Variants in MTHFD1L observed in about 807,000 individuals in gnomAD.
MTHFD1L encodes methylenetetrahydrofolate dehydrogenase (NADP+ dependent) 1 like, also known as monofunctional C1-tetrahydrofolate synthase, mitochondrial.
Under a neutral mutation model 119.5 loss-of-function variants are expected in MTHFD1L, and 81 were observed. The ratio of observed to expected loss-of-function variants is 0.68; its 90% CI spans 0.57 to 0.82. MTHFD1L has a LOEUF of 0.82. Among genes scored for constraint, MTHFD1L ranks in the 40% least tolerant of loss-of-function variants. The probability of loss-of-function intolerance (pLI) is 0.00; values close to 1 mark genes in which losing one functional copy is unlikely to be tolerated. For missense variants in MTHFD1L, 1,125 were observed against 1,253.4 expected (o/e 0.90, Z 1.55); for synonymous variants, 430 against 475.2 (o/e 0.90, Z 1.24).
intron 26 of MTHFD1L, among the ~76,000 whole-genome samples, chr6:151,086,680 A>C (rs1476684725): frequency 6.6e-6 from 1 of 151,920 alleles, no homozygotes; most frequent in Non-Finnish European, 1.5e-5. Flanking sequence ...ATTGTGCACC[A>C]CCACACCTGG....
intron 26 of MTHFD1L, chr6:151,054,942 T>C (rs537292246): frequency 6.6e-6 from 1 of 152,278 alleles, no homozygotes; most frequent in South Asian, 2.1e-4. Flanking sequence ...AATAAAGGAA[T>C]GTTTAAATAA....
chr6:151,089,883 A>C (rs1395169946), intron 26 of MTHFD1L, among the ~76,000 whole-genome samples: 4 of 152,204 alleles, frequency 2.6e-5, no homozygotes, highest in Non-Finnish European at 5.9e-5. Flanking sequence ...ACCCATCTTC[A>C]TACCTAAAGT....
At chr6:151,019,544 A>G (rs1375403470) in intron 24 of MTHFD1L, among the ~76,000 whole-genome samples, 1 of 152,292 alleles carries the variant, frequency 6.6e-6, no homozygotes, top group South Asian at 2.1e-4. Flanking sequence ...AATGTGGTCT[A>G]AAGTCCTCTA....
At chr6:151,003,533 C>CAAAA (rs11422337) in intron 20 of MTHFD1L, among the ~76,000 whole-genome samples, 1 of 150,042 alleles carries the variant, frequency 6.7e-6, no homozygotes. Flanking sequence ...ACTCCATATC[C>CAAAA]AAAAAAAAAG....
At chr6:151,096,707 G>A (rs1368395615) in intron 27 of MTHFD1L, among the ~76,000 whole-genome samples, 1 of 152,212 alleles carries the variant, frequency 6.6e-6, no homozygotes, top group Admixed American at 6.5e-5. Flanking sequence ...GTGCGGAGCA[G>A]CACACTCATT....
chr6:150,935,372 C>T, intron 11 of MTHFD1L: 3 of 1,613,862 alleles, frequency 1.9e-6, no homozygotes, highest in Non-Finnish European at 2.5e-6. Flanking sequence ...TGCTAACAAA[C>T]AAGACTTGAG....
intron 20 of MTHFD1L, among the ~76,000 whole-genome samples, chr6:150,988,543 T>C (rs894657511): frequency 6.6e-6 from 1 of 151,666 alleles, no homozygotes; most frequent in Non-Finnish European, 1.5e-5. Flanking sequence ...TGTATCTTTC[T>C]ATGTACCTCT....
At chr6:150,990,089 G>T (rs1373118277) in intron 20 of MTHFD1L, among the ~76,000 whole-genome samples, 2 of 152,110 alleles carry the variant, frequency 1.3e-5, no homozygotes, top group Non-Finnish European at 2.9e-5. Flanking sequence ...GACCAGCTTG[G>T]CCAACATGGT....
chr6:150,946,444 C>T (rs1012826835), intron 15 of MTHFD1L, among the ~76,000 whole-genome samples: 4 of 152,304 alleles, frequency 2.6e-5, no homozygotes, highest in East Asian at 3.9e-4. Flanking sequence ...GCTACTGCGC[C>T]CAGCCTCATC....
intron 11 of MTHFD1L, among the ~76,000 whole-genome samples, chr6:150,933,591 A>T (rs530057678): frequency 6.6e-6 from 1 of 152,112 alleles, no homozygotes; most frequent in Admixed American, 6.6e-5. Context: ...CAGCGGTGTC[A>T]GGATAGGCTC....
At chr6:150,867,318 T>C (rs1199359949) in intron 1 of MTHFD1L, among the ~76,000 whole-genome samples, 2 of 152,124 alleles carry the variant, frequency 1.3e-5, no homozygotes, top group African/African-American at 2.4e-5. Context: ...TAGCCTCCAG[T>C]GTAACTGGGA....
At position 150,918,614 on chromosome 6, in the gene MTHFD1L, T is replaced by C; in HGVS notation, c.930T>C (p.Gly310=). The C allele has an allele frequency of 6.2e-7, 1 of 1,614,178 alleles. No homozygotes were observed. Among genetic ancestry groups the C allele is most frequent in the Non-Finnish European group, 8.5e-7 (1 of 1,180,010 alleles). ...VGCGSPRIHF[G]GLIEEDDVIL... The stretch of plus-strand genomic sequence containing the variant: ...GTGGCTCTCCAAGAATACATTTTGG[T>C]GGACTCATTGAGGAAGATGATGTGA... The change falls in exon 9 of 28, where the codon GGT becomes GGC. Residue 310 remains glycine, a synonymous_variant. Transcript: ENST00000367321.
Position 151,101,743 on chromosome 6 carries a change from C to A in MTHFD1L, c.*249C>A, listed in dbSNP as rs988524997. 2 of 152,542 alleles carry A rather than the reference C, an allele frequency of 1.3e-5. No homozygotes were observed. Among genetic ancestry groups the A allele is most frequent in the African/African-American group, 4.8e-5 (2 of 41,436 alleles). The allele number at this position is 152,542 out of a possible 1,614,324, so 9.4% of individuals were successfully genotyped here. On this transcript the variant is annotated 3_prime_UTR_variant, in exon 28 of 28. Transcript: ENST00000367321. ...ATTTATTTCTGTTTCTGTGGAGTTT[C>A]CATTATTTCTACTGCTTACACTTTA...
At chr6:150,893,200 G>T (rs916758257) in intron 7 of MTHFD1L, among the ~76,000 whole-genome samples, 5 of 152,124 alleles carry the variant, frequency 3.3e-5, no homozygotes, top group African/African-American at 1.2e-4. Context: ...GAGTAGCTGG[G>T]ATTACAGGCG....
intron 19 of MTHFD1L, among the ~76,000 whole-genome samples, chr6:150,967,145 A>G (rs2129011687): frequency 6.6e-6 from 1 of 152,284 alleles, no homozygotes; most frequent in Middle Eastern, 3.4e-3. Context: ...GCTTCTGCCC[A>G]GCTCTTGTCT....
chr6:151,079,300 T>C (rs958473323), intron 26 of MTHFD1L, among the ~76,000 whole-genome samples: 3 of 151,746 alleles, frequency 2.0e-5, no homozygotes, highest in African/African-American at 7.3e-5. Context: ...ATATTAGAAA[T>C]CCAGTGGGTA....
intron 24 of MTHFD1L, among the ~76,000 whole-genome samples, chr6:151,017,830 C>CTTTTTTTTTTTT (rs895364993): frequency 7.1e-5 from 7 of 98,980 alleles, no homozygotes; most frequent in South Asian, 3.4e-4. Flanking sequence ...ACCGTGTTTT[C>CTTTTTTTTTTTT]TTTTTTTTTT....
At chr6:151,018,012 T>A (rs939506730) in intron 24 of MTHFD1L, among the ~76,000 whole-genome samples, 6 of 151,846 alleles carry the variant, frequency 4.0e-5, no homozygotes, top group African/African-American at 1.5e-4. Context: ...TTTAAGCACA[T>A]GTCGATGGTT....
intron 20 of MTHFD1L, among the ~76,000 whole-genome samples, chr6:150,984,790 C>T (rs572479939): frequency 6.6e-6 from 1 of 152,254 alleles, no homozygotes; most frequent in African/African-American, 2.4e-5. Context: ...TTCAAAGTTT[C>T]AATAGACTTA....
Sources: gnomAD v4.1 joint callset for allele counts (sites outside exome capture counted in the v4.1 genomes callset) on GRCh38, gnomAD v4.1.1 for gene constraint, MANE v1.5 for transcripts, NCBI Gene and HGNC (gene_info 2026-07-23, HGNC 2026-07-21) for gene names.